Variants in HHIPL1 observed in about 807,000 individuals in gnomAD.
HHIPL1 encodes HHIP-like protein 1.
In HHIPL1, 43 loss-of-function variants were observed where a neutral mutation model predicts 61.8. The ratio of observed to expected loss-of-function variants is 0.70; its 90% CI spans 0.55 to 0.90. The LOEUF is 0.90. Among genes scored for constraint, HHIPL1 ranks in the 40% least tolerant of loss-of-function variants. The pLI is 0.00. For missense variants in HHIPL1, 1,056 were observed against 1,157.7 expected (o/e 0.91, Z 1.28); for synonymous variants, 482 against 515.8 (o/e 0.93, Z 0.89).
In HHIPL1 at chr14:99,656,886, AGG is replaced by A. The variant is rs1566810160; in HGVS notation, c.903-113_903-112del. On this transcript the variant is annotated intron_variant, in intron 2 of 8. Coordinates refer to ENST00000330710, the MANE Select transcript of HHIPL1 (RefSeq NM_001127258.3). Reference sequence around the variant, plus strand: ...AAGGAAGGAAGGAAGGAAGGAAGGAAGGAAGGAAGGTCTTTTCCATTGTGAAA... The same window carrying A: ...AAGGAAGGAAGGAAGGAAGGAAGGAAAAGGAAGGTCTTTTCCATTGTGAAA... 9 of 197,398 alleles carry A rather than the reference AGG, an allele frequency of 4.6e-5. 3 individuals carry two copies. Among genetic ancestry groups the A allele is most frequent in the East Asian group, 1.9e-4 (2 of 10,708 alleles). The allele number at this position is 197,398 out of a possible 1,614,324, so 12.2% of individuals were successfully genotyped here. A position where few individuals can be genotyped will look rare whatever the true frequency, so the allele number is the denominator to read the frequency against.
the HHIPL1 span, among the ~76,000 whole-genome samples, chr14:99,638,575 C>T: frequency 6.6e-6 from 1 of 152,288 alleles, no homozygotes; most frequent in African/African-American, 2.4e-5. Context: ...GACCCCACAC[C>T]CTCAGGCCCC....
chr14:99,673,952 G>T (rs951336070), intron 8 of HHIPL1, among the ~76,000 whole-genome samples: 3 of 150,906 alleles, frequency 2.0e-5, no homozygotes, highest in Non-Finnish European at 4.4e-5. Context: ...GTGCACCGAG[G>T]GGGGTGGCAG....
At chr14:99,637,844 A>G in the HHIPL1 span, among the ~76,000 whole-genome samples, 1 of 152,194 alleles carries the variant, frequency 6.6e-6, no homozygotes, top group Non-Finnish European at 1.5e-5. Flanking sequence ...TTAACAGATG[A>G]GAAAACCAAT....
At chr14:99,651,274 C>CACAAAACAAA (rs142413620) in intron 1 of HHIPL1, among the ~76,000 whole-genome samples, 4 of 151,548 alleles carry the variant, frequency 2.6e-5, no homozygotes, top group East Asian at 1.9e-4. Flanking sequence ...AACGGACAAA[C>CACAAAACAAA]ACAAAACAAA....
chr14:99,645,921 A>G (rs750022765), intron 1 of HHIPL1, among the ~76,000 whole-genome samples: 4 of 152,188 alleles, frequency 2.6e-5, no homozygotes, highest in African/African-American at 4.8e-5. Context: ...GGCGTGGTCA[A>G]CGTGTGGCCC....
At chr14:99,637,213 AAAGAAAG>A in the HHIPL1 span, among the ~76,000 whole-genome samples, 16 of 95,020 alleles carry the variant, frequency 1.7e-4, no homozygotes, top group African/African-American at 5.7e-4. Flanking sequence ...AGAAAGAAAG[AAAGAAAG>A]AAAGAAAGAA....
chr14:99,637,216 GAAAGA>G, the HHIPL1 span, among the ~76,000 whole-genome samples: 20 of 121,736 alleles, frequency 1.6e-4, no homozygotes, highest in African/African-American at 5.7e-4. Flanking sequence ...AAGAAAGAAA[GAAAGA>G]AAGAAAGAAA....
the HHIPL1 span, among the ~76,000 whole-genome samples, chr14:99,617,891 T>G: frequency 6.6e-6 from 1 of 152,184 alleles, no homozygotes; most frequent in Non-Finnish European, 1.5e-5. Flanking sequence ...GGGATGACTG[T>G]GCCCATTTTA....
intron 8 of HHIPL1, among the ~76,000 whole-genome samples, chr14:99,674,512 G>A (rs56278115): frequency 0.018 from 2,798 of 152,128 alleles, 33 homozygotes; most frequent in Non-Finnish European, 0.027. Context: ...TGCCAACCTT[G>A]GGAACCAGGA....
At chr14:99,637,260 G>GAAAGAAAGAAAT in the HHIPL1 span, among the ~76,000 whole-genome samples, 1 of 145,376 alleles carries the variant, frequency 6.9e-6, no homozygotes, top group African/African-American at 2.6e-5. Context: ...AAGAAAGAAA[G>GAAAGAAAGAAAT]AAAGAAAAAG....
chr14:99,637,076 G>C, the HHIPL1 span, among the ~76,000 whole-genome samples: 3 of 85,892 alleles, frequency 3.5e-5, no homozygotes, highest in African/African-American at 1.3e-4. Flanking sequence ...GAAAGAAAGA[G>C]AGAGAAAGAA....
At chr14:99,646,818 ATATG>A (rs1566804785) in intron 1 of HHIPL1, among the ~76,000 whole-genome samples, 5 of 67,684 alleles carry the variant, frequency 7.4e-5, no homozygotes, top group African/African-American at 1.6e-4. Flanking sequence ...ATATGATATG[ATATG>A]ATATGATATG....
At chr14:99,612,476 T>C in the HHIPL1 span, among the ~76,000 whole-genome samples, 5 of 152,208 alleles carry the variant, frequency 3.3e-5, no homozygotes, top group African/African-American at 1.2e-4. Flanking sequence ...TCACTTGGGA[T>C]TTAATTGAAG....
intron 2 of HHIPL1, among the ~76,000 whole-genome samples, chr14:99,654,133 G>A (rs2055986105): frequency 7.7e-6 from 1 of 130,006 alleles, no homozygotes; most frequent in Admixed American, 9.6e-5. Flanking sequence ...AGGTTGCAGT[G>A]AACCAAGATC....
chr14:99,656,859 GGA>G, intron 2 of HHIPL1, 139 bp from the exon 3 acceptor site: 1 of 48,356 alleles, frequency 2.1e-5, no homozygotes, highest in African/African-American at 8.7e-5. Flanking sequence ...AAGGAAGGAA[GGA>G]AGGAAGGAAG....
the HHIPL1 span, among the ~76,000 whole-genome samples, chr14:99,608,162 G>T: frequency 6.6e-6 from 1 of 152,100 alleles, no homozygotes; most frequent in African/African-American, 2.4e-5. Flanking sequence ...TGCAGCTGGG[G>T]TATACAGAAG....
intron 3 of HHIPL1, among the ~76,000 whole-genome samples, chr14:99,658,285 C>T (rs995596912): frequency 1.3e-5 from 2 of 152,164 alleles, no homozygotes; most frequent in African/African-American, 4.8e-5. Context: ...GTTGTGCCCA[C>T]TTAGATATCG....
the HHIPL1 span, among the ~76,000 whole-genome samples, chr14:99,627,310 TC>T: frequency 6.8e-6 from 1 of 146,998 alleles, no homozygotes; most frequent in East Asian, 2.0e-4. The surrounding 1 kb of genome is among the most constrained non-coding windows in gnomAD (Gnocchi z 4.4). Context: ...TCTTCCATCT[TC>T]CCATCCATCT....
intron 7 of HHIPL1, among the ~76,000 whole-genome samples, chr14:99,670,668 C>T (rs1394408027): frequency 6.6e-6 from 1 of 152,098 alleles, no homozygotes; most frequent in East Asian, 1.9e-4. Context: ...AGGTCCCATC[C>T]ATTGTTATCT....
Sources: allele counts gnomAD v4.1 joint callset (sites outside exome capture counted in the v4.1 genomes callset), GRCh38; gene constraint gnomAD v4.1.1; non-coding constraint Gnocchi (gnomAD v3.1); transcripts MANE v1.5; gene names NCBI Gene and HGNC (gene_info 2026-07-23, HGNC 2026-07-21).